The following SP140 variants were observed in gnomAD, a reference collection of about 807,000 sequenced individuals.
SP140 encodes SP140 nuclear body protein.
Under a neutral mutation model 125.0 loss-of-function variants are expected in SP140, and 81 were observed. The ratio of observed to expected loss-of-function variants is 0.65; its 90% CI spans 0.54 to 0.78. SP140 has a LOEUF of 0.78. Ranked by LOEUF, SP140 falls within the 30% of genes least tolerant of loss-of-function variation. The probability of loss-of-function intolerance (pLI) is 0.00; values close to 1 mark genes in which losing one functional copy is unlikely to be tolerated. For synonymous variants in SP140, 312 were observed against 354.0 expected (o/e 0.88, Z 1.33); for missense variants, 858 against 1,037.0 (o/e 0.83, Z 2.37).
chr2:230,200,787 G>GAA (rs557840697), upstream of SP140: 20 of 885,422 alleles, frequency 2.3e-5, no homozygotes, highest in Non-Finnish European at 3.5e-5. Context: ...CAGTAATAAT[G>GAA]AAAAAAAAAA....
At chr2:230,308,006 C>T (rs1268071036) in intron 22 of SP140, among the ~76,000 whole-genome samples, 74 of 126,802 alleles carry the variant, frequency 5.8e-4, no homozygotes, top group African/African-American at 7.8e-4. Flanking sequence ...CACACACACA[C>T]ACACACACAC....
chr2:230,288,455 ATCTTTCTTTCTTTCTTTCTTTCTT>A lies in SP140; in HGVS notation c.1720+535_1720+558del, dbSNP rs34638665. ...AGCAAGAGCATGAATTAGGCCAACTATCTTTCTTTCTTTCTTTCTTTCTTTCTTTCTTTCTTTCTTTCTTTCTTT... is the reference window on the plus strand; with the variant it reads ...AGCAAGAGCATGAATTAGGCCAACTATCTTTCTTTCTTTCTTTCTTTCTTT... On this transcript the variant is annotated intron_variant, in intron 18 of 26. Transcript: ENST00000392045. 6.8e-3 allele frequency among the ~76,000 whole-genome samples: 837 copies of A among 123,632 alleles called. 12 individuals carry two copies. The highest frequency in any genetic ancestry group is 0.022 in the African/African-American group (713 of 32,178). 81.1% of individuals were successfully genotyped at this position (123,632 alleles called of 152,430 possible). A position where few individuals can be genotyped will look rare whatever the true frequency, so the allele number is the denominator to read the frequency against.
At chr2:230,199,176 T>C (rs1457303807), upstream of SP140, among the ~76,000 whole-genome samples, 9 of 149,162 alleles carry the variant, frequency 6.0e-5, no homozygotes, top group African/African-American at 2.2e-4. Context: ...TGGGGTGAGG[T>C]TTGCTGTCAC....
intron 16 of SP140, among the ~76,000 whole-genome samples, chr2:230,285,013 A>G (rs2056170254): frequency 6.6e-6 from 1 of 152,188 alleles, no homozygotes; most frequent in Non-Finnish European, 1.5e-5. Flanking sequence ...TAAATCTTCA[A>G]CATTTTTAAT....
chr2:230,250,865 A>G, intron 9 of SP140, 116 bp from the exon 10 acceptor site: 1 of 1,107,308 alleles, frequency 9.0e-7, no homozygotes, highest in Non-Finnish European at 1.3e-6. Context: ...GAACCCACCT[A>G]CAGGCCAGGA....
chr2:230,212,742 G>C, intron 1 of SP140: 1 of 1,613,740 alleles, frequency 6.2e-7, no homozygotes, highest in Non-Finnish European at 8.5e-7. Context: ...ACAGGTGTTG[G>C]ATGGGATCTG....
intron 3 of SP140, chr2:230,238,852 AC>A: frequency 6.4e-6 from 10 of 1,553,476 alleles, no homozygotes; most frequent in Non-Finnish European, 8.7e-6. Context: ...ATACTGGTAC[AC>A]TGAGGAGGAG....
intron 22 of SP140, among the ~76,000 whole-genome samples, chr2:230,308,539 C>G (rs2059030998): frequency 6.6e-6 from 1 of 152,148 alleles, no homozygotes; most frequent in Admixed American, 6.5e-5. Context: ...TACTCGGTAG[C>G]CCGGTGGGGG....
At chr2:230,233,373 C>T (rs1007685005) in intron 1 of SP140, among the ~76,000 whole-genome samples, 6 of 151,786 alleles carry the variant, frequency 4.0e-5, no homozygotes, top group East Asian at 1.9e-4. Flanking sequence ...GGTGACAGAG[C>T]GAGATTCCGT....
intron 15 of SP140, among the ~76,000 whole-genome samples, chr2:230,283,559 C>T (rs372385133): frequency 2.0e-5 from 3 of 152,168 alleles, no homozygotes; most frequent in Non-Finnish European, 2.9e-5. Flanking sequence ...ACAGAACACT[C>T]GCAATCCCCA....
intron 22 of SP140, among the ~76,000 whole-genome samples, chr2:230,308,856 A>G (rs1029047387): frequency 2.9e-4 from 44 of 152,304 alleles, no homozygotes; most frequent in Middle Eastern, 3.4e-3. Context: ...CAGGCTGCAC[A>G]TAATATTGAA....
At chr2:230,209,046 C>T (rs569135112) in intron 1 of SP140, among the ~76,000 whole-genome samples, 1 of 152,230 alleles carries the variant, frequency 6.6e-6, no homozygotes, top group Admixed American at 6.5e-5. Flanking sequence ...AATAAATAAG[C>T]ACAGAAAAAT....
At chr2:230,259,042 T>C (rs1238074057) in intron 12 of SP140, among the ~76,000 whole-genome samples, 2 of 152,372 alleles carry the variant, frequency 1.3e-5, no homozygotes, top group Admixed American at 1.3e-4. Context: ...TTGATGTCTG[T>C]CACGTTTTGA....
intron 1 of SP140, among the ~76,000 whole-genome samples, chr2:230,231,747 C>T (rs1004966206): frequency 6.6e-6 from 1 of 151,924 alleles, no homozygotes; most frequent in African/African-American, 2.4e-5. Flanking sequence ...TGCTTTGTTG[C>T]CCAGGCTATA....
At chr2:230,207,728 C>T (rs909765208) in intron 1 of SP140, among the ~76,000 whole-genome samples, 1 of 152,312 alleles carries the variant, frequency 6.6e-6, no homozygotes, top group South Asian at 2.1e-4. Context: ...CTCTGCATCT[C>T]CACTGTCAGA....
upstream of SP140, chr2:230,200,912 G>A (rs962546053): frequency 6.2e-7 from 1 of 1,613,674 alleles, no homozygotes; most frequent in Admixed American, 1.7e-5. Flanking sequence ...GGTGTACTAG[G>A]CGTCTTCTGG....
At chr2:230,217,726 A>G (rs904465700) in intron 3 of SP140, among the ~76,000 whole-genome samples, 2 of 152,232 alleles carry the variant, frequency 1.3e-5, no homozygotes, top group African/African-American at 4.8e-5. Flanking sequence ...TTCCAGGCTT[A>G]CAGTGCTAAC....
intron 22 of SP140, among the ~76,000 whole-genome samples, chr2:230,309,246 C>A (rs1475100872): frequency 6.6e-6 from 1 of 152,148 alleles, no homozygotes; most frequent in Admixed American, 6.5e-5. Flanking sequence ...TTACCATTGT[C>A]CTTGGTCATC....
intron 4 of SP140, among the ~76,000 whole-genome samples, chr2:230,241,923 C>T (rs1485640098): frequency 6.6e-6 from 1 of 152,044 alleles, no homozygotes; most frequent in Non-Finnish European, 1.5e-5. Flanking sequence ...ACGGAGATGA[C>T]CAGTTAGGGG....
Sources: gnomAD v4.1 joint callset for allele counts (sites outside exome capture counted in the v4.1 genomes callset) on GRCh38, gnomAD v4.1.1 for gene constraint, MANE v1.5 for transcripts, NCBI Gene and HGNC (gene_info 2026-07-23, HGNC 2026-07-21) for gene names.